CADPS: variants seen among roughly 807,000 people sequenced by gnomAD.
CADPS encodes the protein calcium-dependent secretion activator 1.
In CADPS, 57 loss-of-function variants were observed where a neutral mutation model predicts 167.3. The ratio of observed to expected loss-of-function variants is 0.34; its 90% CI spans 0.28 to 0.42. The LOEUF (loss-of-function observed/expected upper bound fraction) is 0.42, where lower values mean the gene tolerates loss of function less well. Among genes scored for constraint, CADPS ranks in the 20% least tolerant of loss-of-function variants. The probability of loss-of-function intolerance (pLI) is 1.00; values close to 1 mark genes in which losing one functional copy is unlikely to be tolerated. For missense variants in CADPS, 1,414 were observed against 1,738.1 expected (o/e 0.81, Z 3.32); for synonymous variants, 676 against 635.3 (o/e 1.06, Z -0.96).
intron 3 of CADPS, among the ~76,000 whole-genome samples, chr3:62,718,242 C>T (rs1215782311): frequency 1.3e-5 from 2 of 152,138 alleles, no homozygotes; most frequent in Non-Finnish European, 2.9e-5. Context: ...AGCACCATGT[C>T]TGACTCATTG....
chr3:62,536,096 G>A (rs2074637707), intron 12 of CADPS: 1 of 198,758 alleles, frequency 5.0e-6, no homozygotes, highest in Non-Finnish European at 1.0e-5. Context: ...GATGGGGAGG[G>A]AAGGGCATCT....
intron 3 of CADPS, among the ~76,000 whole-genome samples, chr3:62,743,286 G>T (rs1257017554): frequency 2.0e-5 from 3 of 152,082 alleles, no homozygotes; most frequent in Non-Finnish European, 4.4e-5. Context: ...AGTCAAATAC[G>T]CCAGCTGCCT....
In CADPS at chr3:62,874,274, C is replaced by T. The variant is rs1418989568; in HGVS notation, c.441+315G>A. Among the ~76,000 whole-genome samples the T allele has an allele frequency of 6.6e-6, 1 of 152,282 alleles. No homozygotes were observed. Among genetic ancestry groups the T allele is most frequent in the East Asian group, 1.9e-4 (1 of 5,138 alleles). Reference sequence around the variant, plus strand: ...GGCGCCGCGGGCAGCAAATCACTCCCCGAGCCTCTCGGTCCACAAAGCGGG... The same window carrying T: ...GGCGCCGCGGGCAGCAAATCACTCCTCGAGCCTCTCGGTCCACAAAGCGGG... On this transcript the variant is annotated intron_variant, in intron 1 of 29. Coordinates refer to ENST00000383710, the MANE Select transcript of CADPS (RefSeq NM_003716.4). This position sits in a 1 kb window ranked among gnomAD's most constrained non-coding sequence, Gnocchi z 7.1.
At chr3:62,436,215 A>T (rs2055008119) in intron 28 of CADPS, among the ~76,000 whole-genome samples, 1 of 152,156 alleles carries the variant, frequency 6.6e-6, no homozygotes, top group South Asian at 2.1e-4. Context: ...TTATTTGTCA[A>T]TTAAGTAACA....
At chr3:62,400,104 C>G (rs995728799) in intron 29 of CADPS, among the ~76,000 whole-genome samples, 8 of 152,284 alleles carry the variant, frequency 5.3e-5, no homozygotes, top group Admixed American at 1.3e-4. Context: ...GTATATGAAA[C>G]CTATTACAGG....
chr3:62,491,525 TA>T (rs1561165270), intron 20 of CADPS, 45 bp from the exon 21 acceptor site: 1 of 1,532,876 alleles, frequency 6.5e-7, no homozygotes, highest in East Asian at 2.3e-5. Context: ...ACAGCTACTT[TA>T]TCAACGTACA....
intron 1 of CADPS, among the ~76,000 whole-genome samples, chr3:62,818,804 G>C (rs758574752): frequency 6.6e-6 from 1 of 152,140 alleles, no homozygotes; most frequent in Non-Finnish European, 1.5e-5. Context: ...GAATAGATAC[G>C]TAAATTGTGT....
At chr3:62,567,584 T>A (rs1322135921) in intron 9 of CADPS, among the ~76,000 whole-genome samples, 6 of 137,590 alleles carry the variant, frequency 4.4e-5, no homozygotes, top group Non-Finnish European at 9.4e-5. Flanking sequence ...TTTTTTTTTT[T>A]TTTTTTTTTT....
chr3:62,761,738 T>C (rs1307531043), intron 2 of CADPS, among the ~76,000 whole-genome samples: 1 of 151,830 alleles, frequency 6.6e-6, no homozygotes, highest in Admixed American at 6.6e-5. Flanking sequence ...ACATTTTTCT[T>C]AAAAATAGTT....
At chr3:62,633,908 C>G (rs1198339716) in intron 6 of CADPS, among the ~76,000 whole-genome samples, 2 of 152,172 alleles carry the variant, frequency 1.3e-5, no homozygotes, top group African/African-American at 4.8e-5. Context: ...CTATTAAAAA[C>G]TTAATTAGCT....
intron 1 of CADPS, among the ~76,000 whole-genome samples, chr3:62,862,216 G>GGT (rs1250548523): frequency 2.0e-5 from 3 of 146,718 alleles, no homozygotes; most frequent in African/African-American, 7.7e-5. Context: ...TGAAAACAGT[G>GGT]GTTTTTTTTT....
chr3:62,774,104 T>C (rs2089658853), intron 1 of CADPS, among the ~76,000 whole-genome samples: 1 of 151,772 alleles, frequency 6.6e-6, no homozygotes, highest in South Asian at 2.1e-4. Flanking sequence ...ATAGGAAAAA[T>C]GCATCTAGAA....
chr3:62,623,110 G>A (rs150852741), intron 6 of CADPS, among the ~76,000 whole-genome samples: 22 of 152,214 alleles, frequency 1.4e-4, no homozygotes, highest in African/African-American at 3.9e-4. Context: ...ACAGTATTAC[G>A]GTGATATGGA....
chr3:62,567,246 C>T (rs2080385495), intron 9 of CADPS, among the ~76,000 whole-genome samples: 4 of 152,112 alleles, frequency 2.6e-5, no homozygotes, highest in African/African-American at 9.7e-5. Context: ...TCTCAGAAAT[C>T]TGAGAATGGT....
At chr3:62,477,977 C>T in intron 23 of CADPS, 1 of 377,126 alleles carries the variant, frequency 2.7e-6, no homozygotes, top group South Asian at 4.7e-5. Context: ...CCAGACACTG[C>T]TAGATATCAG....
At chr3:62,723,515 G>T (rs558340564) in intron 3 of CADPS, among the ~76,000 whole-genome samples, 1 of 152,254 alleles carries the variant, frequency 6.6e-6, no homozygotes, top group Admixed American at 6.5e-5. Context: ...GATCTATCAA[G>T]TAGCTGTCAG....
At chr3:62,422,614 C>G (rs938795373) in intron 28 of CADPS, among the ~76,000 whole-genome samples, 2 of 151,978 alleles carry the variant, frequency 1.3e-5, no homozygotes, top group Non-Finnish European at 2.9e-5. Context: ...TTGGTGATAC[C>G]TGATCTCAAA....
At chr3:62,702,719 C>A (rs916347007) in intron 3 of CADPS, among the ~76,000 whole-genome samples, 1 of 152,092 alleles carries the variant, frequency 6.6e-6, no homozygotes, top group Admixed American at 6.6e-5. Context: ...CTACTAGTCA[C>A]ACATGACTAT....
At chr3:62,410,898 A>G (rs2048833385) in intron 28 of CADPS, among the ~76,000 whole-genome samples, 1 of 152,174 alleles carries the variant, frequency 6.6e-6, no homozygotes, top group Non-Finnish European at 1.5e-5. Context: ...TGAAGCCAGG[A>G]GTTTGAGACC....
Sources: gnomAD v4.1 joint callset for allele counts (sites outside exome capture counted in the v4.1 genomes callset) on GRCh38, gnomAD v4.1.1 for gene constraint, Gnocchi (gnomAD v3.1) non-coding constraint, MANE v1.5 for transcripts, NCBI Gene and HGNC (gene_info 2026-07-23, HGNC 2026-07-21) for gene names.